The following SPATS2L variants were observed in gnomAD, a reference collection of about 807,000 sequenced individuals.
SPATS2L encodes SPATS2-like protein.
In SPATS2L, 30 loss-of-function variants were observed where a neutral mutation model predicts 59.6. The observed-to-expected ratio is 0.50, with a 90% CI of 0.38 to 0.68. The LOEUF is 0.68. Ranked by LOEUF, SPATS2L falls within the 30% of genes least tolerant of loss-of-function variation. SPATS2L has a pLI of 0.00. For missense variants in SPATS2L, 615 were observed against 700.0 expected (o/e 0.88, Z 1.37); for synonymous variants, 252 against 263.5 (o/e 0.96, Z 0.42).
intron 1 of SPATS2L, among the ~76,000 whole-genome samples, chr2:200,312,694 A>G (rs912889360): frequency 2.6e-5 from 4 of 152,258 alleles, no homozygotes; most frequent in African/African-American, 9.6e-5. Flanking sequence ...AGTAATTTGT[A>G]GAGCTGGTAT....
At position 200,433,028 on chromosome 2, in the gene SPATS2L, T is replaced by C. The variant is rs79793802; in HGVS notation, c.446-6094T>C. 5.8e-4 allele frequency among the ~76,000 whole-genome samples: 88 copies of C among 152,238 alleles called. 1 individual carries two copies. The East Asian group carries it at 0.016, about 27-fold the overall frequency. On this transcript the variant is annotated intron_variant, in intron 6 of 12. Coordinates refer to ENST00000409140, the MANE Select transcript of SPATS2L (RefSeq NM_001100423.2). ...AATTTGGCAGGGAGAAGGAGGAAGCTATGAAGAAATAATGGACACAGTTTA... is the reference window on the plus strand; with the variant it reads ...AATTTGGCAGGGAGAAGGAGGAAGCCATGAAGAAATAATGGACACAGTTTA...
intron 8 of SPATS2L, 115 bp downstream of exon 8, chr2:200,440,899 T>G: frequency 1.7e-6 from 2 of 1,207,992 alleles, no homozygotes; most frequent in Non-Finnish European, 2.3e-6. Context: ...AGAATAACTC[T>G]CCAGCAAATT....
intron 12 of SPATS2L, 31 bp downstream of exon 12, chr2:200,473,083 G>GGA: frequency 8.1e-7 from 1 of 1,233,028 alleles, no homozygotes; most frequent in Non-Finnish European, 1.1e-6. Context: ...GGTGCCAGAG[G>GGA]AAAAAAAAAA....
intron 2 of SPATS2L, among the ~76,000 whole-genome samples, chr2:200,368,633 C>T (rs2081332883): frequency 6.6e-6 from 1 of 152,026 alleles, no homozygotes; most frequent in South Asian, 2.1e-4. Context: ...GGATTGTGAC[C>T]ACAATGTTTA....
In SPATS2L at chr2:200,478,364, T is replaced by A; in HGVS notation, c.*333T>A. The stretch of plus-strand genomic sequence containing the variant: ...GTAGCAGTGATGTCAGTCCATTGAT[T>A]GTCTTTAGAGAGTTAATGTTACAAA... On this transcript the variant is annotated 3_prime_UTR_variant, in exon 13 of 13. Transcript: ENST00000409140. The A allele has an allele frequency of 5.0e-6, 1 of 200,500 alleles. No individual in the cohort carries two copies. The highest frequency in any genetic ancestry group is 1.2e-4 in the East Asian group (1 of 8,190). 12.4% of individuals were successfully genotyped at this position (200,500 alleles called of 1,614,324 possible).
At chr2:200,329,591 C>G (rs895383043) in intron 2 of SPATS2L, 111 bp downstream of exon 2, 1 of 890,666 alleles carries the variant, frequency 1.1e-6, no homozygotes, top group African/African-American at 1.7e-5. Flanking sequence ...TTGGCCGCCT[C>G]TGCTGCCTCT....
intron 6 of SPATS2L, among the ~76,000 whole-genome samples, chr2:200,432,872 T>G (rs1271160046): frequency 6.6e-6 from 1 of 151,942 alleles, no homozygotes; most frequent in African/African-American, 2.4e-5. Context: ...CAAAAGAAAC[T>G]ATGCCAACTG....
chr2:200,341,827 C>A (rs2080337796), intron 2 of SPATS2L, among the ~76,000 whole-genome samples: 1 of 151,512 alleles, frequency 6.6e-6, no homozygotes, highest in Admixed American at 6.6e-5. Context: ...GTAGCTGGGA[C>A]TACAGGTGCC....
At chr2:200,392,492 TTCCC>T (rs900814426) in intron 3 of SPATS2L, among the ~76,000 whole-genome samples, 7 of 152,300 alleles carry the variant, frequency 4.6e-5, no homozygotes, top group African/African-American at 1.7e-4. Flanking sequence ...AGTAAATGTG[TTCCC>T]TGAGTTCTGT....
rs531746961 is a variant in SPATS2L, at chr2:200,381,768, T to C, written c.-22-7455T>C. 1.3e-3 allele frequency among the ~76,000 whole-genome samples: 199 copies of C among 152,272 alleles called. 4 individuals are homozygous for C. The South Asian group carries it at 0.041, about 31-fold the overall frequency. ...ACAAAATCAGTGCTGATTCTTCCCC[T>C]CTGAGGCAGCCATGAGAAAATGTCT... On this transcript the variant is annotated intron_variant, in intron 2 of 12. Transcript: ENST00000409140.
At chr2:200,454,603 T>C (rs1179221194) in intron 8 of SPATS2L, among the ~76,000 whole-genome samples, 1 of 152,246 alleles carries the variant, frequency 6.6e-6, no homozygotes, top group Admixed American at 6.5e-5. Context: ...GTCTTTGCCA[T>C]GGTAATCTCC....
intron 2 of SPATS2L, 111 bp downstream of exon 2, chr2:200,329,591 C>T: frequency 1.1e-6 from 1 of 890,788 alleles, no homozygotes; most frequent in Non-Finnish European, 1.8e-6. Flanking sequence ...TTGGCCGCCT[C>T]TGCTGCCTCT....
chr2:200,389,196 A>G (rs780330011), intron 2 of SPATS2L, 27 bp from the exon 3 acceptor site: 42 of 1,474,974 alleles, frequency 2.8e-5, no homozygotes, highest in Non-Finnish European at 3.5e-5. Flanking sequence ...CAATTTTAAA[A>G]CTTAATCTTG....
intron 6 of SPATS2L, among the ~76,000 whole-genome samples, chr2:200,427,472 C>T (rs1024316949): frequency 2.0e-5 from 3 of 148,436 alleles, no homozygotes; most frequent in Non-Finnish European, 4.5e-5. Flanking sequence ...ACATATATAA[C>T]ATGCATATAC....
chr2:200,330,468 A>C (rs1056319452), intron 2 of SPATS2L, among the ~76,000 whole-genome samples: 1 of 152,222 alleles, frequency 6.6e-6, no homozygotes. Context: ...TTGAATCACA[A>C]TGAAAGCACT....
At chr2:200,308,768 A>C (rs1294470745) in intron 1 of SPATS2L, 1 of 415,110 alleles carries the variant, frequency 2.4e-6, no homozygotes, top group African/African-American at 2.0e-5. Flanking sequence ...ATTAATTGGC[A>C]ATTTTCTTTC....
intron 8 of SPATS2L, among the ~76,000 whole-genome samples, chr2:200,447,407 C>T (rs1392698152): frequency 6.6e-6 from 1 of 152,176 alleles, no homozygotes; most frequent in Non-Finnish European, 1.5e-5. Context: ...TGAACAAATA[C>T]TTATTGGCCA....
chr2:200,382,839 G>C (rs1025686944), intron 2 of SPATS2L, among the ~76,000 whole-genome samples: 1 of 152,174 alleles, frequency 6.6e-6, no homozygotes, highest in Non-Finnish European at 1.5e-5. Context: ...CTCCAGAAGT[G>C]TGCTAATTAT....
intron 6 of SPATS2L, among the ~76,000 whole-genome samples, chr2:200,428,646 C>G (rs2083727659): frequency 6.6e-6 from 1 of 152,142 alleles, no homozygotes; most frequent in African/African-American, 2.4e-5. Flanking sequence ...ACTTTTTCAC[C>G]TTGATATTTC....
Sources: allele counts gnomAD v4.1 joint callset (sites outside exome capture counted in the v4.1 genomes callset), GRCh38; gene constraint gnomAD v4.1.1; transcripts MANE v1.5; gene names NCBI Gene and HGNC (gene_info 2026-07-23, HGNC 2026-07-21).